The following TNR variants were observed in gnomAD, a reference collection of about 807,000 sequenced individuals.
The protein encoded by TNR is tenascin R, also known as tenascin-R.
TNR carries 45 observed loss-of-function variants against 150.4 expected under a neutral mutation model. The observed-to-expected ratio is 0.30, with a 90% confidence interval of 0.24 to 0.38. TNR has a LOEUF of 0.38. Ranked by LOEUF, TNR falls within the 10% of genes least tolerant of loss-of-function variation. The pLI is 1.00. For missense variants in TNR, 1,544 were observed against 1,759.1 expected (o/e 0.88, Z 2.19); for synonymous variants, 687 against 678.4 (o/e 1.01, Z -0.20).
chr1:175,422,021 A>G (rs534740382), intron 2 of TNR, among the ~76,000 whole-genome samples: 2 of 152,322 alleles, frequency 1.3e-5, no homozygotes, highest in South Asian at 4.1e-4. Flanking sequence ...ATCCCATTTT[A>G]CAGATGCAGC....
intron 1 of TNR, among the ~76,000 whole-genome samples, chr1:175,633,156 G>A (rs1373457071): frequency 6.6e-6 from 1 of 152,160 alleles, no homozygotes; most frequent in Non-Finnish European, 1.5e-5. Flanking sequence ...TCCAGGCCTG[G>A]TTCAAACCTA....
Position 175,566,093 on chromosome 1 carries a change from TC to T in TNR, c.-164-37725del, listed in dbSNP as rs1212438247. ...TATACAAGGTCTAAATTACTCAGCC[TC>T]AAGCAGAGAAGGAAGAAAATAAAGA... On this transcript the variant is annotated intron_variant, in intron 1 of 22. Transcript: ENST00000367674. Among the ~76,000 whole-genome samples the T allele has an allele frequency of 2.0e-5, 3 of 152,202 alleles. No homozygotes were observed. In the East Asian group the frequency reaches 5.8e-4, roughly 29 times the overall value.
At chr1:175,422,868 C>T (rs1230968950) in intron 2 of TNR, among the ~76,000 whole-genome samples, 1 of 152,174 alleles carries the variant, frequency 6.6e-6, no homozygotes, top group Non-Finnish European at 1.5e-5. Context: ...GATCTTTGGC[C>T]TTCTTTGTCC....
intron 1 of TNR, among the ~76,000 whole-genome samples, chr1:175,623,391 AG>A (rs1664040930): frequency 6.6e-6 from 1 of 152,244 alleles, no homozygotes; most frequent in South Asian, 2.1e-4. Context: ...CCCAAAATGT[AG>A]CCTCCTAGTT....
rs1396920251 is a variant in TNR, at chr1:175,320,214, C to T, written c.*3143G>A. The T allele has an allele frequency of 6.6e-6, 1 of 152,390 alleles. No individual in the cohort carries two copies. Among genetic ancestry groups the T allele is most frequent in the East Asian group, 1.9e-4 (1 of 5,174 alleles). The allele number at this position is 152,390 out of a possible 1,614,324, so 9.4% of individuals were successfully genotyped here. On this transcript the variant is annotated 3_prime_UTR_variant, in exon 23 of 23. Transcript: ENST00000367674. ...TGAGAGTATTGCTTACTGGATCTACCTTTGGGAAATGCAGTTGTGCTTGGA... is the reference window on the plus strand; with the variant it reads ...TGAGAGTATTGCTTACTGGATCTACTTTTGGGAAATGCAGTTGTGCTTGGA...
chr1:175,598,786 G>T (rs1663112752), intron 1 of TNR, among the ~76,000 whole-genome samples: 1 of 152,170 alleles, frequency 6.6e-6, no homozygotes, highest in Non-Finnish European at 1.5e-5. Flanking sequence ...AAGAGCCAAG[G>T]TCTAGGTAAG....
Position 175,365,151 on chromosome 1 carries a change from C to T in TNR, c.2446G>A (p.Glu816Lys). The change falls in exon 12 of 23, where the codon GAG becomes AAG. Residue 816 changes from glutamate (E) to lysine (K), a missense_variant. Transcript: ENST00000367674. Reference sequence around the variant, plus strand: ...GCATCCAGGGAGACCTCCATCATCTCTTCCTCCTCATCCCTGGGGCTGTAG... The same window carrying T: ...GCATCCAGGGAGACCTCCATCATCTTTTCCTCCTCATCCCTGGGGCTGTAG... ...LNYSPRDEEE[E>K]MMEVSLDATK... 1 of 1,614,154 alleles carries T rather than the reference C, an allele frequency of 6.2e-7. No individual in the cohort carries two copies. The highest frequency in any genetic ancestry group is 8.5e-7 in the Non-Finnish European group (1 of 1,180,022).
At chr1:175,673,160 G>C (rs879892904) in intron 1 of TNR, among the ~76,000 whole-genome samples, 5 of 152,196 alleles carry the variant, frequency 3.3e-5, no homozygotes, top group African/African-American at 4.8e-5. Context: ...CCCTCAACCT[G>C]AATGGCAAGC....
At chr1:175,736,674 A>G (rs1468554256) in intron 1 of TNR, among the ~76,000 whole-genome samples, 2 of 152,040 alleles carry the variant, frequency 1.3e-5, no homozygotes, top group African/African-American at 4.8e-5. Flanking sequence ...TTCTGTGTAC[A>G]TGTGGCCCAG....
intron 1 of TNR, among the ~76,000 whole-genome samples, chr1:175,705,607 G>A (rs749083613): frequency 8.6e-5 from 13 of 151,932 alleles, no homozygotes; most frequent in Admixed American, 1.3e-4. Context: ...GTGTGTGTGC[G>A]TGCGTGTGTG....
At position 175,340,022 on chromosome 1, in the gene TNR, T is replaced by C. The variant is rs1313862987; in HGVS notation, c.3383-2343A>G. Among the ~76,000 whole-genome samples, 3 of 152,328 alleles carry C rather than the reference T, an allele frequency of 2.0e-5. No individual in the cohort carries two copies. The South Asian group carries it at 6.2e-4, about 32-fold the overall frequency. On this transcript the variant is annotated intron_variant, in intron 18 of 22. Transcript: ENST00000367674. ...TGAGATGACTTAGACAAGGGGAGTT[T>C]TGAATACCTGAATGGCTATCATATA...
intron 1 of TNR, among the ~76,000 whole-genome samples, chr1:175,686,148 T>C (rs1207984096): frequency 6.6e-6 from 1 of 152,210 alleles, no homozygotes; most frequent in Non-Finnish European, 1.5e-5. Context: ...TAACAGTTAT[T>C]CATGTATTCA....
chr1:175,412,484 G>C (rs1253202169), intron 2 of TNR, among the ~76,000 whole-genome samples: 4 of 152,120 alleles, frequency 2.6e-5, no homozygotes, highest in African/African-American at 9.7e-5. Flanking sequence ...CAAATCAGGA[G>C]CAATTGTAAC....
chr1:175,693,712 C>G (rs2101920428), intron 1 of TNR, among the ~76,000 whole-genome samples: 1 of 152,298 alleles, frequency 6.6e-6, no homozygotes, highest in South Asian at 2.1e-4. Context: ...GTCTACAGCC[C>G]CAACACCCTG....
At chr1:175,634,285 T>C (rs75398122) in intron 1 of TNR, among the ~76,000 whole-genome samples, 3,155 of 152,272 alleles carry the variant, frequency 0.021, 114 homozygotes, top group African/African-American at 0.07. Context: ...CTCACTTCTC[T>C]TGTCACCAGC....
intron 1 of TNR, among the ~76,000 whole-genome samples, chr1:175,638,061 C>T (rs1037368813): frequency 2.0e-5 from 3 of 152,168 alleles, no homozygotes; most frequent in African/African-American, 7.2e-5. Context: ...CTCCTCTCTG[C>T]AGAAGCATAC....
At chr1:175,674,696 C>T (rs1357717352) in intron 1 of TNR, among the ~76,000 whole-genome samples, 1 of 152,180 alleles carries the variant, frequency 6.6e-6, no homozygotes, top group African/African-American at 2.4e-5. Context: ...GCTCAAACAG[C>T]AATGTCCTAG....
intron 1 of TNR, among the ~76,000 whole-genome samples, chr1:175,657,418 G>C (rs1044797621): frequency 2.6e-5 from 4 of 152,080 alleles, no homozygotes; most frequent in South Asian, 2.1e-4. Context: ...TCCCATTACT[G>C]GGTATATACC....
Position 175,542,912 on chromosome 1 carries a change from A to G in TNR, c.-164-14543T>C, listed in dbSNP as rs115528245. The stretch of plus-strand genomic sequence containing the variant: ...TTTCCTGAAGCATTGATATATTTCT[A>G]GTTTGACCTTCTGAATGTAGCTACT... On this transcript the variant is annotated intron_variant, in intron 1 of 22. Transcript: ENST00000367674. 2.8e-3 allele frequency among the ~76,000 whole-genome samples: 428 copies of G among 152,184 alleles called. 2 individuals carry two copies. Among genetic ancestry groups the G allele is most frequent in the African/African-American group, 9.9e-3 (411 of 41,494 alleles).
Sources: allele counts gnomAD v4.1 joint callset (sites outside exome capture counted in the v4.1 genomes callset), GRCh38; gene constraint gnomAD v4.1.1; transcripts MANE v1.5; gene names NCBI Gene and HGNC (gene_info 2026-07-23, HGNC 2026-07-21).